Variants in PCDHGB4 observed in about 807,000 individuals in gnomAD.
The protein encoded by PCDHGB4 is protocadherin gamma subfamily B, 4.
PCDHGB4 carries 38 observed loss-of-function variants against 60.5 expected under a neutral mutation model. The ratio of observed to expected loss-of-function variants is 0.63; its 90% CI spans 0.48 to 0.82. The LOEUF (loss-of-function observed/expected upper bound fraction) is 0.82, where lower values mean the gene tolerates loss of function less well. PCDHGB4 is among the 40% of genes least tolerant of loss of function. The pLI, the probability that PCDHGB4 is intolerant of heterozygous loss-of-function variation, is 0.00. For synonymous variants in PCDHGB4, 456 were observed against 509.7 expected (o/e 0.89, Z 1.42); for missense variants, 1,109 against 1,209.6 (o/e 0.92, Z 1.23).
In PCDHGB4 at chr5:141,433,177, A is replaced by T; in HGVS notation, c.2397+42896A>T. 1.9e-6 allele frequency: 3 copies of T among 1,608,174 alleles called. No homozygotes were observed. The Middle Eastern group carries it at 5.0e-4, about 267-fold the overall frequency. Reference sequence around the variant, plus strand: ...TATTTTCTAAAGACAGTCATGGGTTAATTGAGGTGAGTTTATATCAAATCT... The same window carrying T: ...TATTTTCTAAAGACAGTCATGGGTTTATTGAGGTGAGTTTATATCAAATCT... On this transcript the variant is annotated intron_variant, in intron 1 of 3. Coordinates refer to ENST00000519479, the MANE Select transcript of PCDHGB4 (RefSeq NM_003736.4).
chr5:141,416,412 A>G (rs1391280535), intron 1 of PCDHGB4: 1 of 152,182 alleles, frequency 6.6e-6, no homozygotes, highest in Non-Finnish European at 1.5e-5. Flanking sequence ...TTTTTGTTAA[A>G]TTTTCTAGTG....
intron 1 of PCDHGB4, chr5:141,442,378 GGT>G (rs2098320015): frequency 6.6e-6 from 1 of 152,334 alleles, no homozygotes; most frequent in Middle Eastern, 3.4e-3. Context: ...ATTCCTACCA[GGT>G]GTGTGCTTCT....
At chr5:141,481,013 A>G (rs1198627648) in intron 1 of PCDHGB4, among the ~76,000 whole-genome samples, 1 of 152,164 alleles carries the variant, frequency 6.6e-6, no homozygotes, top group Admixed American at 6.5e-5. Context: ...AGCCCAGATC[A>G]CACCACTGCA....
Position 141,392,866 on chromosome 5 carries a change from C to T in PCDHGB4, c.2397+2585C>T, listed in dbSNP as rs1000509941. The stretch of plus-strand genomic sequence containing the variant: ...CGCGGCGAGCTGATCCTGCTGTGCG[C>T]GCTGCTGGGAACGCTGTGGGAAATC... On this transcript the variant is annotated intron_variant, in intron 1 of 3. Transcript: ENST00000519479. 7 of 1,612,962 alleles carry T rather than the reference C, an allele frequency of 4.3e-6. No individual in the cohort carries two copies. The highest frequency in any genetic ancestry group is 3.3e-4 in the Middle Eastern group (2 of 6,060).
chr5:141,420,494 C>A (rs978136090), intron 1 of PCDHGB4: 1 of 499,510 alleles, frequency 2.0e-6, no homozygotes, highest in Non-Finnish European at 3.1e-6. Context: ...GGGTAATCTC[C>A]GGTGACATTT....
At position 141,415,600 on chromosome 5, in the gene PCDHGB4, C is replaced by G. The variant is rs778987183; in HGVS notation, c.2397+25319C>G. ...TTCGAAGTTTCCTATAGAGGATACC[C>G]CATTGGTTCCAGTGAGTTTTATTTT... On this transcript the variant is annotated intron_variant, in intron 1 of 3. Coordinates refer to ENST00000519479, the MANE Select transcript of PCDHGB4 (RefSeq NM_003736.4). 24 of 1,613,588 alleles carry G rather than the reference C, an allele frequency of 1.5e-5. No individual in the cohort carries two copies. In the Middle Eastern group the frequency reaches 1.2e-3, roughly 77 times the overall value.
At chr5:141,406,072 C>CT (rs530474569) in intron 1 of PCDHGB4, among the ~76,000 whole-genome samples, 26,413 of 141,282 alleles carry the variant, frequency 0.19, 2,878 homozygotes, top group African/African-American at 0.31. Context: ...ATTCTTACTC[C>CT]TTTTTTTTTT....
At chr5:141,419,327 TC>T (rs774592605) in intron 1 of PCDHGB4, 1 of 1,613,856 alleles carries the variant, frequency 6.2e-7, no homozygotes, top group Non-Finnish European at 8.5e-7. Flanking sequence ...TGTCTCCTAC[TC>T]TCTCATTGCC....
At chr5:141,419,849 T>C in intron 1 of PCDHGB4, 1 of 1,614,040 alleles carries the variant, frequency 6.2e-7, no homozygotes, top group East Asian at 2.2e-5. Context: ...GCACCTGGTG[T>C]TCGCAGATAG....
rs138608867 is a variant in PCDHGB4 at position 141,477,655 on chromosome 5, T to C, written c.2398-17152T>C. 5.0e-3 allele frequency: 8,034 copies of C among 1,614,186 alleles called. 44 individuals carry two copies. The highest frequency in any genetic ancestry group is 9.4e-3 in the Admixed American group (567 of 60,020). On this transcript the variant is annotated intron_variant, in intron 1 of 3. Coordinates refer to ENST00000519479, the MANE Select transcript of PCDHGB4 (RefSeq NM_003736.4). The surrounding 1 kb of genome is among the most constrained non-coding windows in gnomAD (Gnocchi z 4.9). ...TAGTGGGTCGCTATTTCACAATAAA[T>C]CGTGACAATGGCATAGTGTCATCCT...
intron 1 of PCDHGB4, chr5:141,409,822 C>A (rs983633484): frequency 6.2e-6 from 10 of 1,610,868 alleles, no homozygotes; most frequent in Non-Finnish European, 6.8e-6. Flanking sequence ...ACGGCTCGCC[C>A]ACGCTCAGCG....
chr5:141,395,515 C>A, intron 1 of PCDHGB4: 1 of 407,332 alleles, frequency 2.5e-6, no homozygotes, highest in Non-Finnish European at 4.4e-6. Flanking sequence ...AGTAGCTACC[C>A]GTCCATACTG....
At chr5:141,452,065 T>A (rs185791618) in intron 1 of PCDHGB4, among the ~76,000 whole-genome samples, 1 of 152,332 alleles carries the variant, frequency 6.6e-6, no homozygotes, top group Non-Finnish European at 1.5e-5. Flanking sequence ...TTATTCTACT[T>A]TTATTAGTTG....
intron 1 of PCDHGB4, among the ~76,000 whole-genome samples, chr5:141,456,944 C>G (rs1172050038): frequency 6.6e-6 from 1 of 152,138 alleles, no homozygotes; most frequent in Non-Finnish European, 1.5e-5. Context: ...GCCTGGGCAA[C>G]AGAGCAAAAC....
At chr5:141,469,964 G>T (rs974494589) in intron 1 of PCDHGB4, among the ~76,000 whole-genome samples, 2 of 152,002 alleles carry the variant, frequency 1.3e-5, no homozygotes, top group Non-Finnish European at 2.9e-5. Flanking sequence ...AACCCCATCT[G>T]TACCAAAAAT....
chr5:141,485,106 T>A lies in PCDHGB4; in HGVS notation c.2398-9701T>A, dbSNP rs2099607051. 8.3e-7 allele frequency: 1 copy of A among 1,206,448 alleles called. No individual in the cohort carries two copies. Among genetic ancestry groups the A allele is most frequent in the Admixed American group, 1.8e-5 (1 of 55,050 alleles). 74.7% of individuals were successfully genotyped at this position (1,206,448 alleles called of 1,614,324 possible). On this transcript the variant is annotated intron_variant, in intron 1 of 3. Coordinates refer to ENST00000519479, the MANE Select transcript of PCDHGB4 (RefSeq NM_003736.4). The surrounding 1 kb of genome is among the most constrained non-coding windows in gnomAD (Gnocchi z 5.7). ...GGGAGATAGGTGTCTCCAGCTGCTG[T>A]GGCTGTTTGGGGCGGGTCGGCTTCA...
intron 3 of PCDHGB4, 149 bp downstream of exon 3, chr5:141,505,630 A>T: frequency 6.8e-7 from 1 of 1,480,262 alleles, no homozygotes; most frequent in East Asian, 2.4e-5. Flanking sequence ...AATTCCAAAC[A>T]TAAAGCCTGG....
At chr5:141,459,806 A>G (rs2154566682) in intron 1 of PCDHGB4, among the ~76,000 whole-genome samples, 1 of 152,342 alleles carries the variant, frequency 6.6e-6, no homozygotes, top group African/African-American at 2.4e-5. Flanking sequence ...CCTGTTGACT[A>G]GAGACACTGA....
intron 1 of PCDHGB4, chr5:141,430,691 G>A (rs1479214920): frequency 7.1e-7 from 1 of 1,416,592 alleles, no homozygotes; most frequent in Non-Finnish European, 9.4e-7. Context: ...CCATTCTATG[G>A]GCGAAGGAAC....
Sources: gnomAD v4.1 joint callset for allele counts (sites outside exome capture counted in the v4.1 genomes callset) on GRCh38, gnomAD v4.1.1 for gene constraint, Gnocchi (gnomAD v3.1) non-coding constraint, MANE v1.5 for transcripts, NCBI Gene and HGNC (gene_info 2026-07-23, HGNC 2026-07-21) for gene names.